KCNH7: variants seen among roughly 807,000 people sequenced by gnomAD.
The protein encoded by KCNH7 is potassium voltage-gated channel subfamily H member 7, also known as voltage-gated inwardly rectifying potassium channel KCNH7.
In KCNH7, 49 loss-of-function variants were observed where a neutral mutation model predicts 120.8. The observed-to-expected ratio is 0.41, with a 90% CI of 0.32 to 0.51. The LOEUF is 0.51. KCNH7 is among the 20% of genes least tolerant of loss of function. The probability of loss-of-function intolerance (pLI) is 0.38; values close to 1 mark genes in which losing one functional copy is unlikely to be tolerated. For missense variants in KCNH7, 1,097 were observed against 1,446.6 expected, an observed-to-expected ratio of 0.76 and a Z score of 3.92; for synonymous variants, 547 against 516.1, an observed-to-expected ratio of 1.06 and a Z score of -0.81.
At chr2:162,681,476 C>T (rs1383075719) in intron 2 of KCNH7, among the ~76,000 whole-genome samples, 1 of 151,752 alleles carries the variant, frequency 6.6e-6, no homozygotes, top group Non-Finnish European at 1.5e-5. Context: ...GAACTATGCA[C>T]TGTTCTCTAT....
intron 2 of KCNH7, among the ~76,000 whole-genome samples, chr2:162,587,143 C>T (rs1249159103): frequency 6.6e-6 from 1 of 152,046 alleles, no homozygotes; most frequent in East Asian, 1.9e-4. Flanking sequence ...TAATTTTCTG[C>T]TTGTTTATTA....
chr2:162,729,267 G>A (rs1049262297), intron 2 of KCNH7, among the ~76,000 whole-genome samples: 1 of 148,196 alleles, frequency 6.7e-6, no homozygotes, highest in East Asian at 2.1e-4. Flanking sequence ...CCGGGTTCCC[G>A]CCATTCTCCT....
chr2:162,586,666 T>C (rs1222529188), intron 2 of KCNH7, among the ~76,000 whole-genome samples: 1 of 146,594 alleles, frequency 6.8e-6, no homozygotes, highest in Non-Finnish European at 1.5e-5. Context: ...TTTCTTTCCT[T>C]TTTTTTTTTT....
In KCNH7 at chr2:162,498,572, ACTGCTGTTTGATTCTC is replaced by A. The variant is rs934521466; in HGVS notation, c.1128+5855_1128+5870del. Among the ~76,000 whole-genome samples the A allele has an allele frequency of 2.9e-4, 44 of 152,014 alleles. 1 individual carries two copies. The highest frequency in any genetic ancestry group is 1.1e-3 in the African/African-American group (44 of 41,472). On this transcript the variant is annotated intron_variant, in intron 6 of 15. Coordinates refer to ENST00000332142, the MANE Select transcript of KCNH7 (RefSeq NM_033272.4). Reference sequence around the variant, plus strand: ...CCTATCTTCATCTCTGCAATGGGCCACTGCTGTTTGATTCTCCTGCTTTACAGGCTTGCTTCTCCCT... The same window carrying A: ...CCTATCTTCATCTCTGCAATGGGCCACTGCTTTACAGGCTTGCTTCTCCCT...
At chr2:162,665,189 C>G (rs907089352) in intron 2 of KCNH7, among the ~76,000 whole-genome samples, 3 of 152,094 alleles carry the variant, frequency 2.0e-5, no homozygotes, top group Non-Finnish European at 1.5e-5. Flanking sequence ...TGTAAGAACA[C>G]AGATGATTTA....
chr2:162,558,936 T>A (rs1020294285), intron 2 of KCNH7, among the ~76,000 whole-genome samples: 12 of 150,066 alleles, frequency 8.0e-5, no homozygotes, highest in African/African-American at 2.9e-4. Flanking sequence ...GCGCCTGTAG[T>A]CCCAGCTACT....
chr2:162,814,437 G>A (rs1004160948), intron 2 of KCNH7, among the ~76,000 whole-genome samples: 3 of 152,130 alleles, frequency 2.0e-5, no homozygotes, highest in African/African-American at 4.8e-5. Flanking sequence ...ACAAGGTGTG[G>A]AAGGCAAAAT....
intron 10 of KCNH7, 104 bp downstream of exon 10, chr2:162,400,085 T>A: frequency 7.9e-7 from 1 of 1,260,128 alleles, no homozygotes; most frequent in Non-Finnish European, 1.1e-6. Flanking sequence ...CATCTTAAAC[T>A]GTTCTTATGA....
At chr2:162,676,584 G>C (rs1427275144) in intron 2 of KCNH7, among the ~76,000 whole-genome samples, 6 of 151,300 alleles carry the variant, frequency 4.0e-5, no homozygotes, top group Non-Finnish European at 5.9e-5. Context: ...AGCAAACAAG[G>C]CACTTTCAAT....
At chr2:162,406,901 A>G (rs1241332839) in intron 9 of KCNH7, among the ~76,000 whole-genome samples, 1 of 151,936 alleles carries the variant, frequency 6.6e-6, no homozygotes, top group Non-Finnish European at 1.5e-5. Context: ...AAACATACAT[A>G]TTTCCTGTTT....
Position 162,675,313 on chromosome 2 carries a change from A to T in KCNH7, c.308-138233T>A, listed in dbSNP as rs568204834. 7.8e-4 allele frequency among the ~76,000 whole-genome samples: 119 copies of T among 151,632 alleles called. 1 individual carries two copies. The highest frequency in any genetic ancestry group is 3.4e-3 in the Middle Eastern group (1 of 294). On this transcript the variant is annotated intron_variant, in intron 2 of 15. Transcript: ENST00000332142. Reference sequence around the variant, plus strand: ...AAGTAGATCCAAAATTAAGAAGCCAAACAGCATCAAGCATTGATAATATGT... The same window carrying T: ...AAGTAGATCCAAAATTAAGAAGCCATACAGCATCAAGCATTGATAATATGT...
chr2:162,419,561 C>T (rs1036528537), intron 9 of KCNH7, among the ~76,000 whole-genome samples: 13 of 152,062 alleles, frequency 8.5e-5, no homozygotes, highest in African/African-American at 3.1e-4. Context: ...TTCTGAATCC[C>T]TATTCTGCAT....
In KCNH7 at chr2:162,446,030, T is replaced by C; in HGVS notation, c.1542A>G (p.Ser514=). ...AIPFDLLIFG[S]GSDETTTLIG... ...AAGCAGTTCTTACCTCATCAGAACCTGATCCAAAAATCAGCAAGTCAAAAG... is the reference window on the plus strand; with the variant it reads ...AAGCAGTTCTTACCTCATCAGAACCCGATCCAAAAATCAGCAAGTCAAAAG... Residue 514 remains serine, a synonymous_variant, in exon 7 of 16, where the codon TCA becomes TCG. Coordinates refer to ENST00000332142, the MANE Select transcript of KCNH7 (RefSeq NM_033272.4). 1 of 1,612,884 alleles carries C rather than the reference T, an allele frequency of 6.2e-7. No individual in the cohort carries two copies. The highest frequency in any genetic ancestry group is 8.5e-7 in the Non-Finnish European group (1 of 1,179,406).
intron 2 of KCNH7, among the ~76,000 whole-genome samples, chr2:162,789,646 A>T (rs1439680891): frequency 6.6e-6 from 1 of 152,090 alleles, no homozygotes; most frequent in Non-Finnish European, 1.5e-5. Flanking sequence ...GGTTGAAATC[A>T]TGTCTAGGAT....
intron 2 of KCNH7, among the ~76,000 whole-genome samples, chr2:162,602,004 G>T (rs926741849): frequency 1.3e-5 from 2 of 152,124 alleles, no homozygotes; most frequent in African/African-American, 4.8e-5. Flanking sequence ...GGAACTGGAA[G>T]TTGAAATGTC....
chr2:162,647,283 G>C (rs893750736), intron 2 of KCNH7, among the ~76,000 whole-genome samples: 1 of 152,092 alleles, frequency 6.6e-6, no homozygotes, highest in South Asian at 2.1e-4. Context: ...TTGTGTGTTG[G>C]TGTGTATGTG....
Position 162,371,889 on chromosome 2 carries a change from G to C in KCNH7, c.3531C>G (p.Ser1177Arg), listed in dbSNP as rs775977072. The part of the protein sequence containing the change: ...RHPSLPDSSL[S>R]TVGIVGLHRH... Reference sequence around the variant, plus strand: ...TATGAAGACCCACGATTCCTACAGTGCTTAGGGATGAATCTGGCAAAGAAG... The same window carrying C: ...TATGAAGACCCACGATTCCTACAGTCCTTAGGGATGAATCTGGCAAAGAAG... The change falls in exon 16 of 16, where the codon AGC (serine) becomes AGG (arginine). Residue 1177 changes from serine to arginine, a missense_variant. By Grantham distance (110) the Ser-to-Arg change is moderately radical. This residue lies in a region of KCNH7 where 406 missense variants were observed against 410.5 expected (regional missense o/e 0.99). Coordinates refer to ENST00000332142, the MANE Select transcript of KCNH7 (RefSeq NM_033272.4). 1 of 1,613,694 alleles carries C rather than the reference G, an allele frequency of 6.2e-7. No individual in the cohort carries two copies. The highest frequency in any genetic ancestry group is 2.2e-5 in the East Asian group (1 of 44,832).
At chr2:162,556,234 A>G (rs1367746353) in intron 2 of KCNH7, among the ~76,000 whole-genome samples, 3 of 152,192 alleles carry the variant, frequency 2.0e-5, no homozygotes, top group Admixed American at 6.5e-5. Flanking sequence ...TGTTTGTTGA[A>G]TACCTACTAT....
At chr2:162,685,721 A>C (rs1685867195) in intron 2 of KCNH7, among the ~76,000 whole-genome samples, 1 of 152,058 alleles carries the variant, frequency 6.6e-6, no homozygotes, top group Admixed American at 6.6e-5. Flanking sequence ...ATTAGAAAAA[A>C]AAAAAGTCAG....
Sources: allele counts gnomAD v4.1 joint callset (sites outside exome capture counted in the v4.1 genomes callset), GRCh38; gene constraint gnomAD v4.1.1; regional missense constraint gnomAD v4.1.1; transcripts MANE v1.5; gene names NCBI Gene and HGNC (gene_info 2026-07-23, HGNC 2026-07-21).